FAM169A: variants seen among roughly 807,000 people sequenced by gnomAD.
FAM169A encodes family with sequence similarity 169 member A, also known as soluble lamin-associated protein of 75 kDa.
FAM169A carries 24 observed loss-of-function variants against 75.7 expected under a neutral mutation model. The observed-to-expected ratio is 0.32, with a 90% CI of 0.23 to 0.45. The LOEUF (loss-of-function observed/expected upper bound fraction) is 0.45. Ranked by LOEUF, FAM169A falls within the 20% of genes least tolerant of loss-of-function variation. FAM169A has a pLI of 1.00. For synonymous variants in FAM169A, 271 were observed against 271.0 expected (o/e 1.00, Z 0.00); for missense variants, 673 against 784.0 (o/e 0.86, Z 1.69).
At chr5:74,824,358 AT>A in intron 5 of FAM169A, among the ~76,000 whole-genome samples, 1 of 152,322 alleles carries the variant, frequency 6.6e-6, no homozygotes, top group South Asian at 2.1e-4. Context: ...ACAAATTTGC[AT>A]CTTTATATAC....
chr5:74,835,672 A>C (rs2112655549), intron 4 of FAM169A, among the ~76,000 whole-genome samples: 1 of 151,942 alleles, frequency 6.6e-6, no homozygotes, highest in South Asian at 2.1e-4. Flanking sequence ...AAACAAGTTC[A>C]GGCTCTAATT....
At chr5:74,864,595 A>C (rs1172263091) in intron 1 of FAM169A, among the ~76,000 whole-genome samples, 1 of 152,236 alleles carries the variant, frequency 6.6e-6, no homozygotes, top group African/African-American at 2.4e-5. Flanking sequence ...GGTCAGACTA[A>C]TTTGAAGCCT....
At chr5:74,806,033 G>T (rs1376950967) in intron 6 of FAM169A, among the ~76,000 whole-genome samples, 1 of 145,564 alleles carries the variant, frequency 6.9e-6, no homozygotes, top group Admixed American at 6.8e-5. Flanking sequence ...GAAAAATAAG[G>T]ATAGAGACTT....
intron 1 of FAM169A, among the ~76,000 whole-genome samples, chr5:74,864,881 CA>C (rs1750233239): frequency 1.3e-5 from 2 of 152,360 alleles, no homozygotes; most frequent in Admixed American, 1.3e-4. Flanking sequence ...AAAACTAAAA[CA>C]CTAAAAATTT....
At chr5:74,850,874 TTC>T (rs1259918261) in intron 1 of FAM169A, among the ~76,000 whole-genome samples, 1 of 152,138 alleles carries the variant, frequency 6.6e-6, no homozygotes, top group Non-Finnish European at 1.5e-5. Flanking sequence ...AACAAACCAC[TTC>T]TTTTTTTGAA....
intron 5 of FAM169A, among the ~76,000 whole-genome samples, chr5:74,825,294 T>C (rs1375340666): frequency 2.0e-5 from 3 of 152,206 alleles, no homozygotes; most frequent in African/African-American, 7.2e-5. Context: ...GAAAAAGAAA[T>C]GTCCAAAAGA....
At chr5:74,842,806 T>C (rs149754994) in intron 1 of FAM169A, among the ~76,000 whole-genome samples, 9 of 149,534 alleles carry the variant, frequency 6.0e-5, no homozygotes, top group Non-Finnish European at 1.3e-4. Flanking sequence ...ACTCCACTAC[T>C]ATATAACATT....
At chr5:74,782,269 A>G (rs1745451797) in intron 12 of FAM169A, among the ~76,000 whole-genome samples, 1 of 152,208 alleles carries the variant, frequency 6.6e-6, no homozygotes, top group Admixed American at 6.5e-5. Flanking sequence ...TTTCATAATT[A>G]AGACACATTA....
intron 1 of FAM169A, among the ~76,000 whole-genome samples, chr5:74,859,031 T>C (rs1162733766): frequency 6.6e-6 from 1 of 151,924 alleles, no homozygotes; most frequent in African/African-American, 2.4e-5. Flanking sequence ...CTGGCCAACA[T>C]GGCAAAACCC....
intron 10 of FAM169A, chr5:74,799,754 T>A (rs6885675): frequency 0.21 from 241,357 of 1,126,274 alleles, 27,213 homozygotes; most frequent in Middle Eastern, 0.3. Flanking sequence ...GTGTGTCATC[T>A]GTCTCAGACA....
intron 11 of FAM169A, among the ~76,000 whole-genome samples, chr5:74,790,811 C>T (rs765299812): frequency 6.6e-6 from 1 of 152,172 alleles, no homozygotes; most frequent in Non-Finnish European, 1.5e-5. Context: ...CAACACTAAG[C>T]CCTTAATATG....
intron 6 of FAM169A, among the ~76,000 whole-genome samples, chr5:74,808,234 T>C (rs773466065): frequency 6.6e-6 from 1 of 152,106 alleles, no homozygotes; most frequent in African/African-American, 2.4e-5. Context: ...TGTCCATCAA[T>C]AGATGAATGG....
chr5:74,812,594 T>G (rs999847508), intron 6 of FAM169A, among the ~76,000 whole-genome samples: 2 of 152,158 alleles, frequency 1.3e-5, no homozygotes, highest in African/African-American at 2.4e-5. Flanking sequence ...TATTTCTTTT[T>G]GTATGTCTGA....
chr5:74,799,002 G>C, intron 10 of FAM169A: 1 of 1,187,998 alleles, frequency 8.4e-7, no homozygotes, highest in Middle Eastern at 2.8e-4. Flanking sequence ...TAATGTCACT[G>C]CATCAGTTTT....
At chr5:74,805,006 G>C (rs1354028430) in intron 7 of FAM169A, 150 bp downstream of exon 7, 1 of 644,168 alleles carries the variant, frequency 1.6e-6, no homozygotes, top group South Asian at 2.1e-5. Context: ...TCTGTTACTA[G>C]AACAATCACA....
At chr5:74,802,770 C>G (rs758401753) in intron 8 of FAM169A, among the ~76,000 whole-genome samples, 5 of 152,058 alleles carry the variant, frequency 3.3e-5, no homozygotes, top group Non-Finnish European at 7.4e-5. Flanking sequence ...GGCACACAGC[C>G]TTCAATTTAT....
At chr5:74,824,322 A>G (rs936063833) in intron 5 of FAM169A, among the ~76,000 whole-genome samples, 7 of 152,206 alleles carry the variant, frequency 4.6e-5, no homozygotes, top group African/African-American at 1.7e-4. Context: ...GAGCTTATCT[A>G]CACTAAAATA....
chr5:74,841,713 A>G, intron 1 of FAM169A, 34 bp from the exon 2 acceptor site: 3 of 1,561,722 alleles, frequency 1.9e-6, no homozygotes, highest in Non-Finnish European at 2.6e-6. Flanking sequence ...ACAATTCAGA[A>G]TATGAAACGC....
chr5:74,822,771 C>T (rs1478940261), intron 5 of FAM169A, among the ~76,000 whole-genome samples: 2 of 152,168 alleles, frequency 1.3e-5, no homozygotes, highest in African/African-American at 4.8e-5. Flanking sequence ...CTTAGGGACA[C>T]ATATGCCCAT....
Sources: gnomAD v4.1 joint callset for allele counts (sites outside exome capture counted in the v4.1 genomes callset) on GRCh38, gnomAD v4.1.1 for gene constraint, MANE v1.5 for transcripts, NCBI Gene and HGNC (gene_info 2026-07-23, HGNC 2026-07-21) for gene names.